MAP2K5: variants seen among roughly 807,000 people sequenced by gnomAD.
The protein encoded by MAP2K5 is mitogen-activated protein kinase kinase 5, also known as dual specificity mitogen-activated protein kinase kinase 5.
Under a neutral mutation model 83.1 loss-of-function variants are expected in MAP2K5, and 49 were observed. That is an observed-to-expected ratio of 0.59 (90% CI 0.47 to 0.75). MAP2K5 has a LOEUF of 0.75. Ranked by LOEUF, MAP2K5 falls within the 30% of genes least tolerant of loss-of-function variation. The pLI is 0.00. For synonymous variants in MAP2K5, 202 were observed against 191.8 expected (o/e 1.05, Z -0.44); for missense variants, 457 against 557.5 (o/e 0.82, Z 1.82).
At position 67,543,377 on chromosome 15, in the gene MAP2K5, C is replaced by T. The variant is rs758945457; in HGVS notation, c.42C>T (p.Asn14=). Residue 14 remains asparagine (N), a synonymous_variant, in exon 1 of 22, where the codon AAC becomes AAT. Coordinates refer to ENST00000178640, the MANE Select transcript of MAP2K5 (RefSeq NM_145160.3). This position sits in a 1 kb window ranked among gnomAD's most constrained non-coding sequence, Gnocchi z 4.3. The part of the protein sequence containing the change: ...LALGPFPAME[N]QVLVIRIKIP... ...TTGGCCCCTTTCCTGCCATGGAGAA[C>T]CAGGTGCTGGTAATTCGCATCAAGA... 6.8e-6 allele frequency: 11 copies of T among 1,614,062 alleles called. No individual in the cohort carries two copies. The highest frequency in any genetic ancestry group is 1.3e-5 in the African/African-American group (1 of 74,918).
chr15:67,797,743 C>T (rs961796639), intron 21 of MAP2K5, among the ~76,000 whole-genome samples: 7 of 151,990 alleles, frequency 4.6e-5, no homozygotes, highest in Admixed American at 2.6e-4. Context: ...AGTGCAGTGG[C>T]GTGATCTCGG....
chr15:67,734,976 C>T (rs2089305993), intron 17 of MAP2K5, among the ~76,000 whole-genome samples: 1 of 152,062 alleles, frequency 6.6e-6, no homozygotes, highest in African/African-American at 2.4e-5. Flanking sequence ...TTACTTTTGT[C>T]CTCACTATTT....
intron 6 of MAP2K5, among the ~76,000 whole-genome samples, chr15:67,589,372 T>C (rs1367683953): frequency 1.3e-5 from 2 of 152,324 alleles, no homozygotes; most frequent in Admixed American, 1.3e-4. Context: ...TTGCCTTAGG[T>C]GAATAACTGT....
chr15:67,724,062 C>A lies in MAP2K5; in HGVS notation c.1045-3854C>A, dbSNP rs2089032032. The stretch of plus-strand genomic sequence containing the variant: ...TTGAGTGCTGATTGCCTTGCCCGAC[C>A]CCTAGTGATACAGAAACAGGCAAAA... On this transcript the variant is annotated intron_variant, in intron 16 of 21. Transcript: ENST00000178640. The surrounding 1 kb of genome is among the most constrained non-coding windows in gnomAD (Gnocchi z 4.4). Among the ~76,000 whole-genome samples, 1 of 152,068 alleles carries A rather than the reference C, an allele frequency of 6.6e-6. No individual in the cohort carries two copies. Among genetic ancestry groups the A allele is most frequent in the African/African-American group, 2.4e-5 (1 of 41,388 alleles).
At chr15:67,715,676 A>G (rs553795070) in intron 16 of MAP2K5, among the ~76,000 whole-genome samples, 8 of 152,388 alleles carry the variant, frequency 5.2e-5, no homozygotes, top group African/African-American at 1.7e-4. Context: ...TATGAAGAAT[A>G]AAGAAAGACA....
intron 13 of MAP2K5, among the ~76,000 whole-genome samples, chr15:67,679,353 G>A (rs750940520): frequency 1.8e-4 from 28 of 152,080 alleles, no homozygotes; most frequent in Admixed American, 1.4e-3. Flanking sequence ...GTCTCAACAC[G>A]ATACCAATTT....
intron 19 of MAP2K5, among the ~76,000 whole-genome samples, chr15:67,756,741 A>AAGT (rs2089846187): frequency 6.6e-6 from 1 of 152,020 alleles, no homozygotes; most frequent in East Asian, 1.9e-4. Flanking sequence ...TGCTACTATG[A>AAGT]GTTCAGCTAT....
chr15:67,589,769 A>T (rs936586391), intron 6 of MAP2K5, among the ~76,000 whole-genome samples: 1 of 121,880 alleles, frequency 8.2e-6, no homozygotes, highest in Admixed American at 9.2e-5. Flanking sequence ...CCAGAAAAAA[A>T]TGTGTGTGTG....
At chr15:67,732,840 T>C (rs766183875) in intron 17 of MAP2K5, among the ~76,000 whole-genome samples, 1 of 152,194 alleles carries the variant, frequency 6.6e-6, no homozygotes, top group Non-Finnish European at 1.5e-5. Flanking sequence ...TGCATCTGTC[T>C]GCGCCAGGCT....
At chr15:67,558,343 T>A (rs2084667836) in intron 2 of MAP2K5, among the ~76,000 whole-genome samples, 1 of 152,198 alleles carries the variant, frequency 6.6e-6, no homozygotes, top group Non-Finnish European at 1.5e-5. Context: ...TATCTTCAAA[T>A]TTATCCAGCA....
rs140140506 is a variant in MAP2K5 at position 67,794,942 on chromosome 15, T to C, written c.1243-11704T>C. Among the ~76,000 whole-genome samples the C allele has an allele frequency of 6.6e-6, 1 of 152,378 alleles. No homozygotes were observed. Among genetic ancestry groups the C allele is most frequent in the African/African-American group, 2.4e-5 (1 of 41,590 alleles). ...CTTTGAAAAGTTAAAACTATGATGATAGGACTCTGAAACCTCTGACGCCCC... is the reference window on the plus strand; with the variant it reads ...CTTTGAAAAGTTAAAACTATGATGACAGGACTCTGAAACCTCTGACGCCCC... On this transcript the variant is annotated intron_variant, in intron 21 of 21. Transcript: ENST00000178640. This position sits in a 1 kb window ranked among gnomAD's most constrained non-coding sequence, Gnocchi z 4.6.
In MAP2K5 at chr15:67,637,071, C is replaced by T. The variant is rs2086617115; in HGVS notation, c.585+6144C>T. Among the ~76,000 whole-genome samples, 1 of 151,622 alleles carries T rather than the reference C, an allele frequency of 6.6e-6. No individual in the cohort carries two copies. The highest frequency in any genetic ancestry group is 1.5e-5 in the Non-Finnish European group (1 of 67,860). On this transcript the variant is annotated intron_variant, in intron 9 of 21. Transcript: ENST00000178640. The surrounding 1 kb of genome is among the most constrained non-coding windows in gnomAD (Gnocchi z 4.5). Reference sequence around the variant, plus strand: ...GTTCTTCAGCTTTTGGACTCTTGGACCTACACCAGTGATTTGCCGGGGGCT... The same window carrying T: ...GTTCTTCAGCTTTTGGACTCTTGGATCTACACCAGTGATTTGCCGGGGGCT...
rs67575262 is a variant in MAP2K5, at chr15:67,780,271, CTT to C, written c.1242+7532_1242+7533del. Among the ~76,000 whole-genome samples, 13,293 of 148,516 alleles carry C rather than the reference CTT, an allele frequency of 0.09. 700 individuals are homozygous for C. Among genetic ancestry groups the C allele is most frequent in the Admixed American group, 0.11 (1,610 of 14,922 alleles). ...AGAAGCTCTGGCCAGGGAGCAGATA[CTT>C]TTTTTTTTTTTTAACCTTTAAAGTT... On this transcript the variant is annotated intron_variant, in intron 21 of 21. Transcript: ENST00000178640. This position sits in a 1 kb window ranked among gnomAD's most constrained non-coding sequence, Gnocchi z 5.0.
rs543381125 is a variant in MAP2K5, at chr15:67,672,933, G to A, written c.847+8288G>A. Among the ~76,000 whole-genome samples, 4 of 152,208 alleles carry A rather than the reference G, an allele frequency of 2.6e-5. No individual in the cohort carries two copies. In the East Asian group the frequency reaches 7.7e-4, roughly 29 times the overall value. On this transcript the variant is annotated intron_variant, in intron 13 of 21. Coordinates refer to ENST00000178640, the MANE Select transcript of MAP2K5 (RefSeq NM_145160.3). ...TTAAATAGGGAATCCTTTCCCTATT[G>A]CTTGTTTTTGTCAGGTTTGTCAAAG... is the stretch of plus-strand genomic sequence containing the variant.
In MAP2K5 at chr15:67,735,858, T is replaced by C. The variant is rs1324869294; in HGVS notation, c.1074+7913T>C. 5.3e-5 allele frequency among the ~76,000 whole-genome samples: 8 copies of C among 152,150 alleles called. No homozygotes were observed. In the East Asian group the frequency reaches 1.3e-3, roughly 26 times the overall value. ...TCCAGTCTGGCTTTCACGTGGCAGC[T>C]TTGCTATTATCTCTCCCTCCTAGGC... On this transcript the variant is annotated intron_variant, in intron 17 of 21. Coordinates refer to ENST00000178640, the MANE Select transcript of MAP2K5 (RefSeq NM_145160.3).
In MAP2K5 at chr15:67,757,005, G is replaced by T. The variant is rs1232732170; in HGVS notation, c.1134+8404G>T. Among the ~76,000 whole-genome samples the T allele has an allele frequency of 1.3e-5, 2 of 152,014 alleles. No homozygotes were observed. The highest frequency in any genetic ancestry group is 3.9e-4 in the East Asian group (2 of 5,188). ...TTGTGAATAATGCTGCAGTGAACAT[G>T]GCAGTGCAGATATCTCTTCAGGATA... On this transcript the variant is annotated intron_variant, in intron 19 of 21. Transcript: ENST00000178640. This position sits in a 1 kb window ranked among gnomAD's most constrained non-coding sequence, Gnocchi z 4.9.
At chr15:67,803,862 C>T (rs1163496745) in intron 21 of MAP2K5, among the ~76,000 whole-genome samples, 1 of 152,218 alleles carries the variant, frequency 6.6e-6, no homozygotes, top group Non-Finnish European at 1.5e-5. Context: ...CCTCCTCTAT[C>T]CAGGAAGAGC....
chr15:67,713,753 G>T (rs567176954), intron 16 of MAP2K5, among the ~76,000 whole-genome samples: 3 of 152,026 alleles, frequency 2.0e-5, no homozygotes, highest in East Asian at 1.9e-4. Context: ...AAAAAAAGTG[G>T]CATGGATCAC....
In MAP2K5 at chr15:67,550,077, T is replaced by A. The variant is rs2084477147; in HGVS notation, c.179T>A (p.Phe60Tyr). Reference sequence around the variant, plus strand: ...CTGCCTGAAGCAACAACTACAGCATTTGAATGTAAGTCTGGCTTGTATACT... The same window carrying A: ...CTGCCTGAAGCAACAACTACAGCATATGAATGTAAGTCTGGCTTGTATACT... The part of the protein sequence containing the change: ...QVLPEATTTA[F>Y]EYEDEDGDRI... The change falls in exon 2 of 22, where the codon TTT becomes TAT. Residue 60 changes from phenylalanine to tyrosine, a missense_variant. Physicochemically the swap from Phe to Tyr is conservative, Grantham distance 22. Coordinates refer to ENST00000178640, the MANE Select transcript of MAP2K5 (RefSeq NM_145160.3). The A allele has an allele frequency of 6.2e-7, 1 of 1,613,420 alleles. No homozygotes were observed. The highest frequency in any genetic ancestry group is 8.5e-7 in the Non-Finnish European group (1 of 1,179,518).
Sources: allele counts gnomAD v4.1 joint callset (sites outside exome capture counted in the v4.1 genomes callset), GRCh38; gene constraint gnomAD v4.1.1; non-coding constraint Gnocchi (gnomAD v3.1); transcripts MANE v1.5; gene names NCBI Gene and HGNC (gene_info 2026-07-23, HGNC 2026-07-21).